The following LMO7 variants were observed in gnomAD, a reference collection of about 807,000 sequenced individuals.
The protein encoded by LMO7 is LIM domain 7.
A neutral mutation model predicts 206.5 loss-of-function variants in LMO7; 120 were observed. The ratio of observed to expected loss-of-function variants is 0.58; its 90% CI spans 0.50 to 0.68. The LOEUF is 0.68. Ranked by LOEUF, LMO7 falls within the 30% of genes least tolerant of loss-of-function variation. The pLI is 0.00. For synonymous variants in LMO7, 706 were observed against 681.5 expected (o/e 1.04, Z -0.56); for missense variants, 1,959 against 1,957.9 (o/e 1.00, Z -0.01).
intron 1 of LMO7, among the ~76,000 whole-genome samples, chr13:75,637,788 A>G (rs952626890): frequency 6.6e-6 from 1 of 152,234 alleles, no homozygotes; most frequent in Non-Finnish European, 1.5e-5. Flanking sequence ...AATAAATTAC[A>G]TTTCTTACGC....
chr13:75,763,037 A>G lies in LMO7; in HGVS notation c.317+1999A>G, dbSNP rs180674487. Among the ~76,000 whole-genome samples the G allele has an allele frequency of 5.0e-4, 76 of 152,320 alleles. 1 individual carries two copies. Among genetic ancestry groups the G allele is most frequent in the African/African-American group, 1.8e-3 (73 of 41,568 alleles). On this transcript the variant is annotated intron_variant, in intron 4 of 30. Coordinates refer to ENST00000377534, the MANE Select transcript of LMO7 (RefSeq NM_001306080.2). ...AAATAGTAATGCATTTTAGCTTTTT[A>G]AAAATATATAATGTGGAGACTCCTT...
chr13:75,674,627 T>C (rs1475726920), intron 1 of LMO7, among the ~76,000 whole-genome samples: 2 of 152,184 alleles, frequency 1.3e-5, no homozygotes, highest in Non-Finnish European at 2.9e-5. Context: ...GGACATAAAA[T>C]GGAAGAATGC....
At position 75,841,865 on chromosome 13, in the gene LMO7, G is replaced by T; in HGVS notation, c.3913G>T (p.Glu1305Ter). Residue 1305 changes from glutamate (E) to a stop codon, truncating the protein, a stop_gained, in exon 24 of 31, where the codon GAG becomes TAG. Transcript: ENST00000377534. LOFTEE classifies it high-confidence loss of function. ...GAAATGGGAGCAACAGCTTCAGGAA[G>T]AGCAAGAGCAAAAGCGGCTTCAGGC... is the stretch of plus-strand genomic sequence containing the variant. The part of the protein sequence containing the change: ...ERKWEQQLQE[E>*]QEQKRLQAEA... The T allele has an allele frequency of 6.2e-7, 1 of 1,614,132 alleles. No homozygotes were observed. The highest frequency in any genetic ancestry group is 8.5e-7 in the Non-Finnish European group (1 of 1,179,984).
intron 3 of LMO7, among the ~76,000 whole-genome samples, chr13:75,745,942 T>G (rs2046802486): frequency 6.6e-6 from 1 of 152,202 alleles, no homozygotes; most frequent in South Asian, 2.1e-4. Context: ...ACTTCTCTGG[T>G]TCTGTGATTC....
At chr13:75,636,275 C>T (rs1178354669), upstream of LMO7, 1 of 1,010,840 alleles carries the variant, frequency 9.9e-7, no homozygotes, top group East Asian at 1.2e-4. Context: ...GTGGGGTGGG[C>T]CGGGGCGGGG....
chr13:75,785,689 CT>C (rs1712361584), intron 4 of LMO7, among the ~76,000 whole-genome samples: 1 of 152,120 alleles, frequency 6.6e-6, no homozygotes, highest in Admixed American at 6.6e-5. Context: ...AGAATTAGTA[CT>C]TTTAAAAATG....
intron 1 of LMO7, among the ~76,000 whole-genome samples, chr13:75,706,126 A>C (rs1369781484): frequency 6.6e-6 from 1 of 152,124 alleles, no homozygotes; most frequent in African/African-American, 2.4e-5. Flanking sequence ...CCATTTCACA[A>C]ATGGGATAAC....
At chr13:75,754,838 C>G (rs573343454) in intron 3 of LMO7, among the ~76,000 whole-genome samples, 2 of 152,270 alleles carry the variant, frequency 1.3e-5, no homozygotes, top group African/African-American at 4.8e-5. Context: ...ACCCTTGACA[C>G]CAGTGTGAGA....
chr13:75,687,977 A>C (rs1238741183), intron 1 of LMO7, among the ~76,000 whole-genome samples: 2 of 152,142 alleles, frequency 1.3e-5, no homozygotes, highest in African/African-American at 4.8e-5. Context: ...TTCTTGTGAT[A>C]GTGAATAAGT....
chr13:75,803,081 T>C (rs1188937051), intron 7 of LMO7, among the ~76,000 whole-genome samples: 7 of 152,164 alleles, frequency 4.6e-5, no homozygotes, highest in Non-Finnish European at 1.5e-5. Flanking sequence ...AAATGAGAAA[T>C]AAATGTCTGA....
chr13:75,752,369 G>A (rs918670092), intron 3 of LMO7, among the ~76,000 whole-genome samples: 9 of 152,090 alleles, frequency 5.9e-5, no homozygotes, highest in African/African-American at 2.2e-4. Flanking sequence ...CTGACCTCAG[G>A]TGATCCACCC....
intron 4 of LMO7, among the ~76,000 whole-genome samples, chr13:75,781,717 T>G (rs557966843): frequency 7.9e-5 from 12 of 151,768 alleles, no homozygotes; most frequent in Admixed American, 7.3e-4. Flanking sequence ...ACTTCCACAA[T>G]GGTTGAACTA....
At chr13:75,635,002 TCAAAA>T (rs3036380), upstream of LMO7, among the ~76,000 whole-genome samples, 44,577 of 136,386 alleles carry the variant, frequency 0.33, 7,021 homozygotes, top group Middle Eastern at 0.36. Flanking sequence ...AGACTCCATC[TCAAAA>T]CAAAACAAAA....
At chr13:75,648,385 A>G (rs1391948987) in intron 1 of LMO7, among the ~76,000 whole-genome samples, 2 of 152,176 alleles carry the variant, frequency 1.3e-5, no homozygotes, top group African/African-American at 2.4e-5. Flanking sequence ...TCTTCCCAAC[A>G]CCATGCAGCT....
intron 1 of LMO7, among the ~76,000 whole-genome samples, chr13:75,670,570 A>G (rs951972561): frequency 2.0e-5 from 3 of 152,232 alleles, no homozygotes; most frequent in South Asian, 2.1e-4. Flanking sequence ...GTATTTAAAC[A>G]TATCTAAACA....
At chr13:75,741,431 A>T (rs2046405608) in intron 3 of LMO7, among the ~76,000 whole-genome samples, 1 of 152,252 alleles carries the variant, frequency 6.6e-6, no homozygotes, top group South Asian at 2.1e-4. Context: ...ATGTTTTCAA[A>T]AGGAAACTCC....
chr13:75,841,702 C>A lies in LMO7; in HGVS notation c.3750C>A (p.Thr1250=). Reference sequence around the variant, plus strand: ...CCTCTCTTGCCACCTGGGAAGCTACCTGGAGTGAAGGGTCCAAGTCTTCAG... The same window carrying A: ...CCTCTCTTGCCACCTGGGAAGCTACATGGAGTGAAGGGTCCAAGTCTTCAG... ...REPSLATWEA[T]WSEGSKSSDR... The change falls in exon 24 of 31, where the codon ACC becomes ACA. Residue 1250 remains threonine (T), a synonymous_variant. Coordinates refer to ENST00000377534, the MANE Select transcript of LMO7 (RefSeq NM_001306080.2). 6.2e-7 allele frequency: 1 copy of A among 1,614,060 alleles called. No individual in the cohort carries two copies. The highest frequency in any genetic ancestry group is 8.5e-7 in the Non-Finnish European group (1 of 1,180,002).
chr13:75,735,844 A>T (rs1462113214), intron 3 of LMO7, among the ~76,000 whole-genome samples: 3 of 151,910 alleles, frequency 2.0e-5, no homozygotes, highest in African/African-American at 2.4e-5. Flanking sequence ...ACTTATTATT[A>T]TATAATATAC....
chr13:75,634,878 C>T (rs1208050120), upstream of LMO7, among the ~76,000 whole-genome samples: 1 of 151,816 alleles, frequency 6.6e-6, no homozygotes, highest in Non-Finnish European at 1.5e-5. Context: ...TGGTGGTGGG[C>T]GCCTGTAATC....
Sources: gnomAD v4.1 joint callset for allele counts (sites outside exome capture counted in the v4.1 genomes callset) on GRCh38, gnomAD v4.1.1 for gene constraint, MANE v1.5 for transcripts, NCBI Gene and HGNC (gene_info 2026-07-23, HGNC 2026-07-21) for gene names.